AGL: variants seen among roughly 807,000 people sequenced by gnomAD.
The protein encoded by AGL is glycogen debranching enzyme.
In AGL, 128 loss-of-function variants were observed where a neutral mutation model predicts 199.3. The observed-to-expected ratio is 0.64, with a 90% CI of 0.56 to 0.74. AGL has a LOEUF of 0.74. Ranked by LOEUF, AGL falls within the 30% of genes least tolerant of loss-of-function variation. AGL has a pLI of 0.00. For missense variants in AGL, 1,809 were observed against 1,820.8 expected (o/e 0.99, Z 0.12); for synonymous variants, 584 against 594.7 (o/e 0.98, Z 0.26).
At chr1:99,918,084 A>G (rs531693390) in intron 33 of AGL, among the ~76,000 whole-genome samples, 1 of 152,182 alleles carries the variant, frequency 6.6e-6, no homozygotes, top group Non-Finnish European at 1.5e-5. Flanking sequence ...TTGCCTCCTC[A>G]TGATGAATTC....
At chr1:99,907,003 G>A (rs2100837488) in intron 27 of AGL, among the ~76,000 whole-genome samples, 1 of 152,160 alleles carries the variant, frequency 6.6e-6, no homozygotes, top group South Asian at 2.1e-4. Context: ...AAATTTCTCT[G>A]CAACTTTGCT....
At chr1:99,890,026 TC>T (rs770698553) in intron 21 of AGL, among the ~76,000 whole-genome samples, 28 of 152,188 alleles carry the variant, frequency 1.8e-4, no homozygotes, top group Non-Finnish European at 3.1e-4. Context: ...CATGTTGGAA[TC>T]CAGGAATCCA....
intron 27 of AGL, among the ~76,000 whole-genome samples, chr1:99,909,141 A>G (rs1251454760): frequency 6.6e-6 from 1 of 151,988 alleles, no homozygotes; most frequent in Non-Finnish European, 1.5e-5. Context: ...CTCTGCTGAC[A>G]GCATGCTGTC....
chr1:99,906,480 C>G (rs1654303076), intron 27 of AGL, among the ~76,000 whole-genome samples: 1 of 152,088 alleles, frequency 6.6e-6, no homozygotes, highest in Non-Finnish European at 1.5e-5. Context: ...ATCTCTAGAA[C>G]TTTTTTACCT....
chr1:99,907,955 C>A (rs2100840913), intron 27 of AGL, among the ~76,000 whole-genome samples: 1 of 152,024 alleles, frequency 6.6e-6, no homozygotes, highest in Admixed American at 6.6e-5. Flanking sequence ...TATTTTCTCC[C>A]ATATTGTGGG....
intron 21 of AGL, among the ~76,000 whole-genome samples, chr1:99,891,006 T>G (rs1652849030): frequency 6.6e-6 from 1 of 152,140 alleles, no homozygotes; most frequent in Non-Finnish European, 1.5e-5. Flanking sequence ...GTAGTCCCCT[T>G]CAGTATGCCT....
At chr1:99,853,962 T>C (rs1015182182) in intron 2 of AGL, among the ~76,000 whole-genome samples, 5 of 151,858 alleles carry the variant, frequency 3.3e-5, no homozygotes, top group African/African-American at 9.7e-5. Context: ...GGCCGAGGCA[T>C]GTGGGTCACC....
intron 17 of AGL, among the ~76,000 whole-genome samples, chr1:99,882,028 ACT>A (rs1197964187): frequency 6.6e-6 from 1 of 151,256 alleles, no homozygotes; most frequent in Admixed American, 6.6e-5. Flanking sequence ...AGTCTTGGCT[ACT>A]CCTGAAGCTG....
rs202095430 is a variant in AGL at position 99,892,498 on chromosome 1, A to G, written c.3150A>G (p.Val1050=). The change falls in exon 24 of 34, where the codon GTA becomes GTG. Residue 1050 remains valine, a synonymous_variant. Transcript: ENST00000361915. ...TGGGTTCAGTTCAACTGTGTGGAGT[A>G]GGAAAATTCCCTTCCCTGCCAATTC... ...LSLGSVQLCG[V]GKFPSLPILS... The G allele has an allele frequency of 1.2e-6, 2 of 1,613,686 alleles. No individual in the cohort carries two copies. The highest frequency in any genetic ancestry group is 1.7e-6 in the Non-Finnish European group (2 of 1,179,706).
chr1:99,861,795 A>G (rs1650062180), intron 3 of AGL, 82 bp downstream of exon 3: 2 of 1,504,244 alleles, frequency 1.3e-6, no homozygotes, highest in South Asian at 2.3e-5. Context: ...ATGTTACTGT[A>G]TGAACCATGG....
chr1:99,911,739 G>A (rs77905995), intron 28 of AGL, among the ~76,000 whole-genome samples: 2,943 of 152,184 alleles, frequency 0.019, 35 homozygotes, highest in Non-Finnish European at 0.031. Context: ...CACTGCACTC[G>A]GCCTTTTATT....
intron 27 of AGL, among the ~76,000 whole-genome samples, chr1:99,907,693 G>GTTTTGTTTTTTTTT (rs1553191717): frequency 9.2e-5 from 11 of 118,974 alleles, no homozygotes; most frequent in South Asian, 7.9e-4. Context: ...TTTGTTTTTT[G>GTTTTGTTTTTTTTT]TTTTTTTTGC....
At chr1:99,851,988 C>A (rs1648986368) in intron 2 of AGL, among the ~76,000 whole-genome samples, 1 of 152,188 alleles carries the variant, frequency 6.6e-6, no homozygotes, top group Non-Finnish European at 1.5e-5. Flanking sequence ...AGTACCTACT[C>A]CATTTTTGGC....
At chr1:99,878,091 G>A (rs1277854942) in intron 12 of AGL, among the ~76,000 whole-genome samples, 1 of 152,118 alleles carries the variant, frequency 6.6e-6, no homozygotes, top group African/African-American at 2.4e-5. Context: ...CTGATAATAT[G>A]GAGTGCAATC....
intron 25 of AGL, among the ~76,000 whole-genome samples, chr1:99,898,941 G>C (rs1467536664): frequency 6.6e-6 from 1 of 152,160 alleles, no homozygotes; most frequent in African/African-American, 2.4e-5. Flanking sequence ...GATTGTTCCA[G>C]ATGGTTAAGA....
chr1:99,904,734 A>AT (rs773540170), intron 27 of AGL, among the ~76,000 whole-genome samples: 3 of 152,070 alleles, frequency 2.0e-5, no homozygotes, highest in Non-Finnish European at 4.4e-5. Flanking sequence ...TCTGAGATTG[A>AT]TTTTTTCACT....
At chr1:99,877,474 AATT>A (rs2101135494) in intron 11 of AGL, among the ~76,000 whole-genome samples, 164 bp from the exon 12 acceptor site, 1 of 152,328 alleles carries the variant, frequency 6.6e-6, no homozygotes, top group African/African-American at 2.4e-5. Flanking sequence ...AGAAATAAAT[AATT>A]ATTAATTTTT....
chr1:99,881,379 G>A lies in AGL; in HGVS notation c.2089G>A (p.Gly697Ser), dbSNP rs771211030. The A allele has an allele frequency of 1.9e-6, 3 of 1,614,118 alleles. No individual in the cohort carries two copies. Among genetic ancestry groups the A allele is most frequent in the Admixed American group, 3.3e-5 (2 of 60,004 alleles). Residue 697 changes from glycine to serine, a missense_variant, in exon 16 of 34, where the codon GGC (glycine) becomes AGC (serine). Gly to Ser is a moderately conservative substitution (Grantham distance 56). Coordinates refer to ENST00000361915, the MANE Select transcript of AGL (RefSeq NM_000642.3). The part of the protein sequence containing the change: ...SNTGEVNFQS[G>S]IIAARCAISK... ...CACAGGTGAAGTTAATTTCCAAAGC[G>A]GCATTATTGCAGCCAGGTGTGCTAT...
intron 5 of AGL, among the ~76,000 whole-genome samples, chr1:99,868,916 T>C (rs1052597594): frequency 1.3e-4 from 20 of 151,684 alleles, no homozygotes; most frequent in Non-Finnish European, 1.8e-4. Flanking sequence ...CCTCCACTTA[T>C]TGGGGTCAAG....
Sources: gnomAD v4.1 joint callset for allele counts (sites outside exome capture counted in the v4.1 genomes callset) on GRCh38, gnomAD v4.1.1 for gene constraint, MANE v1.5 for transcripts, NCBI Gene and HGNC (gene_info 2026-07-23, HGNC 2026-07-21) for gene names.